Variants in ACYP2 observed in about 807,000 individuals in gnomAD.
ACYP2 encodes the protein acylphosphatase-2.
A neutral mutation model predicts 11.2 loss-of-function variants in ACYP2; 12 were observed. That is an observed-to-expected ratio of 1.08 (90% CI 0.69 to 1.74). The LOEUF (loss-of-function observed/expected upper bound fraction) is 1.74. Ranked by LOEUF, ACYP2 falls within the 40% of genes most tolerant of loss-of-function variation. The probability of loss-of-function intolerance (pLI) is 0.00; values close to 1 mark genes in which losing one functional copy is unlikely to be tolerated. For synonymous variants in ACYP2, 43 were observed against 32.2 expected (o/e 1.33, Z -1.13); for missense variants, 134 against 101.9 (o/e 1.31, Z -1.35).
chr2:54,006,494 AGAACTTCTGGGCTT>A (rs1175341402), intron 2 of ACYP2, among the ~76,000 whole-genome samples: 6 of 152,072 alleles, frequency 3.9e-5, no homozygotes, highest in Middle Eastern at 3.2e-3. Context: ...TGTGCTGCCC[AGAACTTCTGGGCTT>A]GAACTTCTGG....
chr2:54,187,273 C>T (rs1684052666), intron 6 of ACYP2, among the ~76,000 whole-genome samples: 1 of 152,186 alleles, frequency 6.6e-6, no homozygotes, highest in African/African-American at 2.4e-5. Flanking sequence ...CTCTCTTGCC[C>T]TCCCAGAGTT....
chr2:54,232,739 C>T (rs952496775), intron 6 of ACYP2, among the ~76,000 whole-genome samples: 1 of 152,108 alleles, frequency 6.6e-6, no homozygotes, highest in Non-Finnish European at 1.5e-5. Context: ...GCATGTCTTA[C>T]ATGGCGGCAA....
chr2:54,002,928 G>T (rs779902397), intron 2 of ACYP2, among the ~76,000 whole-genome samples: 1 of 150,294 alleles, frequency 6.7e-6, no homozygotes, highest in African/African-American at 2.5e-5. Context: ...GATTACAGGC[G>T]TGAGCCACCA....
At chr2:54,060,008 A>C (rs1201621810) in intron 4 of ACYP2, among the ~76,000 whole-genome samples, 4 of 152,182 alleles carry the variant, frequency 2.6e-5, no homozygotes, top group Admixed American at 2.6e-4. Flanking sequence ...TAGTTTCCTG[A>C]AATTCCATAC....
chr2:54,136,785 G>A (rs1558559963), intron 5 of ACYP2, among the ~76,000 whole-genome samples: 1 of 152,118 alleles, frequency 6.6e-6, no homozygotes, highest in Non-Finnish European at 1.5e-5. Flanking sequence ...AGACCAGCCT[G>A]GCCATCATAG....
chr2:53,974,286 G>A (rs764448801), intron 2 of ACYP2, among the ~76,000 whole-genome samples: 12 of 152,116 alleles, frequency 7.9e-5, no homozygotes, highest in Non-Finnish European at 1.2e-4. Context: ...GGGTGAGGAC[G>A]ACAAAGAGCG....
chr2:54,296,209 G>A (rs1226295604), intron 6 of ACYP2, among the ~76,000 whole-genome samples: 1 of 152,176 alleles, frequency 6.6e-6, no homozygotes, highest in Non-Finnish European at 1.5e-5. Context: ...TCACATAGGG[G>A]CAGTCAAAGA....
chr2:53,991,811 G>A lies in ACYP2; in HGVS notation c.62+18001G>A, dbSNP rs140971730. 5.3e-3 allele frequency among the ~76,000 whole-genome samples: 811 copies of A among 151,758 alleles called. 7 individuals carry two copies. Among genetic ancestry groups the A allele is most frequent in the African/African-American group, 0.019 (767 of 41,366 alleles). On this transcript the variant is annotated intron_variant, in intron 2 of 6. Transcript: ENST00000607452. ...TTATATTTATTTATTTTTATTTAGC[G>A]ATGAGGGCTAAGTATGTTGTACAAG...
chr2:54,285,910 G>A (rs561263844), intron 6 of ACYP2, among the ~76,000 whole-genome samples: 3 of 152,204 alleles, frequency 2.0e-5, no homozygotes, highest in Non-Finnish European at 4.4e-5. Context: ...TGGTGAGTTG[G>A]AAAGGTCTCT....
chr2:54,107,195 G>C (rs781090956), intron 4 of ACYP2, among the ~76,000 whole-genome samples: 1 of 152,102 alleles, frequency 6.6e-6, no homozygotes, highest in South Asian at 2.1e-4. Context: ...TCTTTTTAAT[G>C]TTATTCTATC....
At chr2:54,033,923 T>C (rs1366481486) in intron 2 of ACYP2, among the ~76,000 whole-genome samples, 5 of 152,242 alleles carry the variant, frequency 3.3e-5, no homozygotes, top group Non-Finnish European at 7.3e-5. Flanking sequence ...AAATGAATCA[T>C]AATATTTCAG....
Position 54,108,675 on chromosome 2 carries a change from T to G in ACYP2, c.278-26778T>G, listed in dbSNP as rs553497329. Among the ~76,000 whole-genome samples, 3 of 152,278 alleles carry G rather than the reference T, an allele frequency of 2.0e-5. No homozygotes were observed. In the South Asian group the frequency reaches 6.2e-4, roughly 32 times the overall value. On this transcript the variant is annotated intron_variant, in intron 4 of 6. Coordinates refer to ENST00000607452, the MANE Select transcript of ACYP2 (RefSeq NM_001320586.2). The stretch of plus-strand genomic sequence containing the variant: ...CCCTTTTTCGCCTTCCCTGTCTTGT[T>G]GTGATAGCTCATAGTCTGGGCACAC...
chr2:54,178,970 G>A (rs940712657), intron 6 of ACYP2, among the ~76,000 whole-genome samples: 1 of 152,078 alleles, frequency 6.6e-6, no homozygotes, highest in African/African-American at 2.4e-5. Context: ...CATGGATCTG[G>A]AGGCTGGGAT....
At chr2:54,132,182 A>G (rs1478972044) in intron 4 of ACYP2, among the ~76,000 whole-genome samples, 1 of 152,110 alleles carries the variant, frequency 6.6e-6, no homozygotes, top group East Asian at 1.9e-4. Context: ...AAAGACGCAC[A>G]CTTTTGCCTG....
intron 4 of ACYP2, among the ~76,000 whole-genome samples, chr2:54,101,631 G>A (rs62137977): frequency 1.4e-5 from 2 of 147,734 alleles, no homozygotes; most frequent in African/African-American, 5.0e-5. Flanking sequence ...CCAAGATTGC[G>A]CCATTGCAAT....
chr2:53,990,512 G>T (rs1331998611), intron 2 of ACYP2, among the ~76,000 whole-genome samples: 1 of 151,290 alleles, frequency 6.6e-6, no homozygotes, highest in Non-Finnish European at 1.5e-5. Context: ...AGCTGGGCGT[G>T]GTGGCGGCCA....
At chr2:54,006,430 A>G (rs1024189966) in intron 2 of ACYP2, among the ~76,000 whole-genome samples, 1 of 152,016 alleles carries the variant, frequency 6.6e-6, no homozygotes, top group Non-Finnish European at 1.5e-5. Context: ...TACAGGCATG[A>G]GCCACCGCGC....
intron 6 of ACYP2, among the ~76,000 whole-genome samples, chr2:54,278,127 G>A (rs1688688928): frequency 6.6e-6 from 1 of 152,068 alleles, no homozygotes; most frequent in Non-Finnish European, 1.5e-5. Context: ...ACAGGCGCCC[G>A]CCACCATGCC....
At chr2:54,094,394 A>T (rs1220655820) in intron 4 of ACYP2, among the ~76,000 whole-genome samples, 2 of 151,580 alleles carry the variant, frequency 1.3e-5, no homozygotes, top group East Asian at 1.9e-4. Flanking sequence ...TGCCTAGCTA[A>T]TTTTTTTGTA....
Sources: gnomAD v4.1 joint callset for allele counts (sites outside exome capture counted in the v4.1 genomes callset) on GRCh38, gnomAD v4.1.1 for gene constraint, MANE v1.5 for transcripts, NCBI Gene and HGNC (gene_info 2026-07-23, HGNC 2026-07-21) for gene names.